Variants in FOXP1 observed in about 807,000 individuals in gnomAD.
FOXP1 encodes forkhead box protein P1.
FOXP1 carries 15 observed loss-of-function variants against 98.2 expected under a neutral mutation model. That is an observed-to-expected ratio of 0.15 (90% CI 0.10 to 0.24). The LOEUF (loss-of-function observed/expected upper bound fraction) is 0.24. FOXP1 is among the 10% of genes least tolerant of loss of function. The pLI, the probability that FOXP1 is intolerant of heterozygous loss-of-function variation, is 1.00. For missense variants in FOXP1, 633 were observed against 848.5 expected (o/e 0.75, Z 3.15); for synonymous variants, 371 against 314.5 (o/e 1.18, Z -1.90).
At chr3:71,308,768 T>C (rs2074469294) in intron 4 of FOXP1, among the ~76,000 whole-genome samples, 1 of 103,474 alleles carries the variant, frequency 9.7e-6, no homozygotes. Flanking sequence ...TGTGTGTGTG[T>C]GTGTGTGTGT....
In FOXP1 at chr3:71,443,572, G is replaced by A. The variant is rs140702906; in HGVS notation, c.-168+49854C>T. On this transcript the variant is annotated intron_variant, in intron 3 of 20. Coordinates refer to ENST00000649528, the MANE Select transcript of FOXP1 (RefSeq NM_001349338.3). ...CTCAACAGTCATGACCATCAGAATC[G>A]CCTATAGGGCTGGTTAAAACACAGA... Among the ~76,000 whole-genome samples the A allele has an allele frequency of 3.9e-3, 587 of 152,104 alleles. 6 individuals are homozygous for A. The highest frequency in any genetic ancestry group is 0.013 in the African/African-American group (559 of 41,444).
chr3:71,306,248 AT>A (rs2074263140), intron 4 of FOXP1, among the ~76,000 whole-genome samples: 1 of 152,120 alleles, frequency 6.6e-6, no homozygotes, highest in Non-Finnish European at 1.5e-5. Context: ...TGTTGCTATA[AT>A]AACAATTAAA....
At chr3:71,389,250 GGGCC>G (rs2080848825) in intron 3 of FOXP1, among the ~76,000 whole-genome samples, 2 of 53,300 alleles carry the variant, frequency 3.8e-5, no homozygotes, top group African/African-American at 1.9e-4. Flanking sequence ...GGGGGGGGGG[GGGCC>G]GGGGGGGGCG....
At chr3:71,173,931 CAAAAT>C (rs908461187) in intron 6 of FOXP1, among the ~76,000 whole-genome samples, 8 of 152,238 alleles carry the variant, frequency 5.3e-5, no homozygotes, top group Admixed American at 3.3e-4. Context: ...AAGAAAGTGA[CAAAAT>C]AAAGTTACCA....
chr3:71,231,559 A>G (rs148404929), intron 5 of FOXP1, among the ~76,000 whole-genome samples: 7 of 152,374 alleles, frequency 4.6e-5, no homozygotes, highest in African/African-American at 1.7e-4. Context: ...TATTTTGGAG[A>G]AACTATGAAT....
intron 6 of FOXP1, among the ~76,000 whole-genome samples, chr3:71,176,021 G>A (rs1172466110): frequency 6.6e-6 from 1 of 152,196 alleles, no homozygotes; most frequent in South Asian, 2.1e-4. Flanking sequence ...AGTAACTGTG[G>A]CAACTTCAAA....
Position 70,958,223 on chromosome 3 carries a change from A to T in FOXP1, c.*1024T>A, listed in dbSNP as rs2106833675. ...AAAAAAAAAAAAGAAAAGAAAAGAA[A>T]AAAAGAAAATCCGAAACACCCCTCC... is the stretch of plus-strand genomic sequence containing the variant. On this transcript the variant is annotated 3_prime_UTR_variant, in exon 21 of 21. Transcript: ENST00000649528. 1 of 479,490 alleles carries T rather than the reference A, an allele frequency of 2.1e-6. No homozygotes were observed. The highest frequency in any genetic ancestry group is 1.8e-5 in the South Asian group (1 of 55,098). The allele number at this position is 479,490 out of a possible 1,614,324, so 29.7% of individuals were successfully genotyped here.
At chr3:71,433,132 T>G (rs2084888989) in intron 3 of FOXP1, among the ~76,000 whole-genome samples, 1 of 152,190 alleles carries the variant, frequency 6.6e-6, no homozygotes, top group African/African-American at 2.4e-5. Flanking sequence ...TACATGTAAC[T>G]CTATACATGT....
At chr3:71,297,060 T>C (rs1560263181) in intron 5 of FOXP1, among the ~76,000 whole-genome samples, 6 of 152,104 alleles carry the variant, frequency 3.9e-5, no homozygotes, top group Admixed American at 3.3e-4. Context: ...GGTATTCCTT[T>C]ATAGCAACAC....
At chr3:71,041,959 AATG>A (rs1339888801) in intron 10 of FOXP1, among the ~76,000 whole-genome samples, 4 of 152,224 alleles carry the variant, frequency 2.6e-5, no homozygotes, top group Admixed American at 6.5e-5. Context: ...TTAAGTCTTA[AATG>A]ATGACAAATA....
intron 7 of FOXP1, among the ~76,000 whole-genome samples, chr3:71,054,278 A>T (rs2050313364): frequency 6.6e-6 from 1 of 152,210 alleles, no homozygotes; most frequent in Admixed American, 6.5e-5. Context: ...TTCCGAACTT[A>T]AACACAGACC....
At chr3:70,983,913 C>T (rs1372009550) in intron 14 of FOXP1, among the ~76,000 whole-genome samples, 1 of 152,166 alleles carries the variant, frequency 6.6e-6, no homozygotes, top group East Asian at 1.9e-4. Context: ...GGCAAATTCT[C>T]CACAGAGTAA....
At chr3:71,541,347 T>C (rs1349727392) in intron 2 of FOXP1, among the ~76,000 whole-genome samples, 2 of 151,844 alleles carry the variant, frequency 1.3e-5, no homozygotes, top group Admixed American at 6.6e-5. Context: ...GGTATGGGAG[T>C]TGGGTGGAGA....
chr3:71,095,017 T>A (rs967153784), intron 7 of FOXP1, among the ~76,000 whole-genome samples: 4 of 152,246 alleles, frequency 2.6e-5, no homozygotes, highest in African/African-American at 9.6e-5. Flanking sequence ...ATTAATATAT[T>A]GTGTGTGAAC....
chr3:71,107,378 G>A (rs546430973), intron 7 of FOXP1, among the ~76,000 whole-genome samples: 2 of 152,032 alleles, frequency 1.3e-5, no homozygotes, highest in South Asian at 4.2e-4. Flanking sequence ...TGGGAGGAGG[G>A]GTCACTGTTT....
intron 5 of FOXP1, among the ~76,000 whole-genome samples, chr3:71,202,213 T>G (rs1419975846): frequency 2.0e-5 from 3 of 152,160 alleles, no homozygotes; most frequent in African/African-American, 4.8e-5. Flanking sequence ...GTGAATCAGG[T>G]TTGTGAGAGT....
intron 2 of FOXP1, among the ~76,000 whole-genome samples, chr3:71,542,727 A>T (rs1034832002): frequency 6.6e-6 from 1 of 152,130 alleles, no homozygotes; most frequent in African/African-American, 2.4e-5. Flanking sequence ...GGCCAAAGGA[A>T]CTGTCTTGAA....
At chr3:71,255,788 C>T (rs953474102) in intron 5 of FOXP1, among the ~76,000 whole-genome samples, 36 of 152,154 alleles carry the variant, frequency 2.4e-4, no homozygotes, top group Non-Finnish European at 1.5e-5. Context: ...GGGTCTGAAA[C>T]GAAACTCAAG....
At chr3:71,257,936 T>A (rs2068772908) in intron 5 of FOXP1, among the ~76,000 whole-genome samples, 6 of 152,194 alleles carry the variant, frequency 3.9e-5, no homozygotes, top group Admixed American at 3.9e-4. Context: ...CATAAGCTAC[T>A]TGGCAGGAGC....
Sources: gnomAD v4.1 joint callset for allele counts (sites outside exome capture counted in the v4.1 genomes callset) on GRCh38, gnomAD v4.1.1 for gene constraint, MANE v1.5 for transcripts, NCBI Gene and HGNC (gene_info 2026-07-23, HGNC 2026-07-21) for gene names.